GLS: variants seen among roughly 807,000 people sequenced by gnomAD.
The protein encoded by GLS is glutaminase, also known as glutaminase kidney isoform, mitochondrial.
A neutral mutation model predicts 86.7 loss-of-function variants in GLS; 36 were observed. That is an observed-to-expected ratio of 0.42 (90% CI 0.32 to 0.55). The LOEUF (loss-of-function observed/expected upper bound fraction) is 0.55, where lower values mean the gene tolerates loss of function less well. GLS is among the 20% of genes least tolerant of loss of function. The pLI, the probability that GLS is intolerant of heterozygous loss-of-function variation, is 0.17. For synonymous variants in GLS, 317 were observed against 305.9 expected (o/e 1.04, Z -0.38); for missense variants, 528 against 833.4 (o/e 0.63, Z 4.51).
At position 190,963,195 on chromosome 2, in the gene GLS, A is replaced by G. The variant is rs1022310326; in HGVS notation, c.*209A>G. On this transcript the variant is annotated 3_prime_UTR_variant, in exon 18 of 18. Coordinates refer to ENST00000320717, the MANE Select transcript of GLS (RefSeq NM_014905.5). The stretch of plus-strand genomic sequence containing the variant: ...ACAATCTCCCTCCATAATGTGAGCA[A>G]TATTACCTCGTGCATTGTATAATTT... The G allele has an allele frequency of 2.3e-6, 1 of 430,036 alleles. No homozygotes were observed. Among genetic ancestry groups the G allele is most frequent in the Non-Finnish European group, 4.1e-6 (1 of 241,034 alleles). 26.6% of individuals were successfully genotyped at this position (430,036 alleles called of 1,614,324 possible).
In GLS at chr2:190,937,738, A is replaced by C. The variant is rs372069031; in HGVS notation, c.1650+6101A>C. Among the ~76,000 whole-genome samples, 16 of 151,328 alleles carry C rather than the reference A, an allele frequency of 1.1e-4. No homozygotes were observed. The East Asian group carries it at 2.1e-3, about 20-fold the overall frequency. On this transcript the variant is annotated intron_variant, in intron 14 of 17. Transcript: ENST00000320717. ...CCATGTATAGAAAACCTGTTTTCAT[A>C]AAAAACTTTATAATGGCTTCCTGAT... is the stretch of plus-strand genomic sequence containing the variant.
chr2:190,927,511 T>C, intron 12 of GLS, 29 bp downstream of exon 12: 1 of 1,531,214 alleles, frequency 6.5e-7, no homozygotes, highest in Non-Finnish European at 8.9e-7. Context: ...TTATTTTCTC[T>C]GGCAAGAAAC....
rs555846350 is a variant in GLS, at chr2:190,955,878, A to G, written c.1853+1060A>G. On this transcript the variant is annotated intron_variant, in intron 17 of 17. Transcript: ENST00000320717. The surrounding 1 kb of genome is among the most constrained non-coding windows in gnomAD (Gnocchi z 5.6). ...ATTTGCATTTCTCTAATGACCAGTGATGATGATATTTTTTTCACATGTTTG... is the reference window on the plus strand; with the variant it reads ...ATTTGCATTTCTCTAATGACCAGTGGTGATGATATTTTTTTCACATGTTTG... Among the ~76,000 whole-genome samples, 2 of 152,338 alleles carry G rather than the reference A, an allele frequency of 1.3e-5. No homozygotes were observed. The highest frequency in any genetic ancestry group is 4.1e-4 in the South Asian group (2 of 4,828).
rs80037145 is a variant in GLS, at chr2:190,960,411, T to A, written c.1854-2419T>A. On this transcript the variant is annotated intron_variant, in intron 17 of 17. Coordinates refer to ENST00000320717, the MANE Select transcript of GLS (RefSeq NM_014905.5). ...CTGGGTCTTGCCTTGCCACTCAGGC[T>A]GAAGTGCAAGTGGCATGATCATAGT... Among the ~76,000 whole-genome samples, 386 of 147,146 alleles carry A rather than the reference T, an allele frequency of 2.6e-3. 2 individuals carry two copies. Among genetic ancestry groups the A allele is most frequent in the African/African-American group, 8.9e-3 (353 of 39,544 alleles).
Position 190,956,015 on chromosome 2 carries a change from A to G in GLS, c.1853+1197A>G, listed in dbSNP as rs1326986214. Among the ~76,000 whole-genome samples the G allele has an allele frequency of 6.6e-6, 1 of 152,052 alleles. No individual in the cohort carries two copies. ...TGCTTAACTTCCTTGTAGATTCTGGATATTAGCCCTTTGTCAGATGGATAG... is the reference window on the plus strand; with the variant it reads ...TGCTTAACTTCCTTGTAGATTCTGGGTATTAGCCCTTTGTCAGATGGATAG... On this transcript the variant is annotated intron_variant, in intron 17 of 17. Coordinates refer to ENST00000320717, the MANE Select transcript of GLS (RefSeq NM_014905.5). The surrounding 1 kb of genome is among the most constrained non-coding windows in gnomAD (Gnocchi z 4.2).
At chr2:190,906,782 C>G (rs1370533265) in intron 6 of GLS, among the ~76,000 whole-genome samples, 10 of 151,916 alleles carry the variant, frequency 6.6e-5, no homozygotes, top group Non-Finnish European at 8.8e-5. Context: ...TTGGTGAAAC[C>G]ATACACTTTT....
chr2:190,885,451 A>G (rs2125973367), intron 1 of GLS, among the ~76,000 whole-genome samples: 1 of 152,304 alleles, frequency 6.6e-6, no homozygotes, highest in South Asian at 2.1e-4. Context: ...TGGCCACCCA[A>G]AGTGCTGGGA....
At chr2:190,942,553 T>G (rs887122654) in intron 14 of GLS, among the ~76,000 whole-genome samples, 2 of 152,130 alleles carry the variant, frequency 1.3e-5, no homozygotes, top group African/African-American at 4.8e-5. Context: ...GAAATAGGAT[T>G]GGCAGCACTT....
At chr2:190,888,966 T>C (rs1393486704) in intron 1 of GLS, among the ~76,000 whole-genome samples, 1 of 152,260 alleles carries the variant, frequency 6.6e-6, no homozygotes, top group Non-Finnish European at 1.5e-5. Flanking sequence ...TAAATACTTC[T>C]GTTAGTTTTA....
intron 14 of GLS, chr2:190,934,640 A>G (rs912516042): frequency 2.0e-6 from 2 of 983,970 alleles, no homozygotes; most frequent in African/African-American, 1.7e-5. Context: ...ACATTTTACC[A>G]TTTCATTCCG....
Position 190,897,333 on chromosome 2 carries a change from A to G in GLS, c.605+1608A>G, listed in dbSNP as rs1419816857. 1.3e-5 allele frequency among the ~76,000 whole-genome samples: 2 copies of G among 152,202 alleles called. No individual in the cohort carries two copies. The highest frequency in any genetic ancestry group is 4.8e-5 in the African/African-American group (2 of 41,460). Reference sequence around the variant, plus strand: ...GAAAAAATATTTATGTTTTGTAAACATGTTGTTATGTTTAAATATGAAATT... The same window carrying G: ...GAAAAAATATTTATGTTTTGTAAACGTGTTGTTATGTTTAAATATGAAATT... On this transcript the variant is annotated intron_variant, in intron 3 of 17. Coordinates refer to ENST00000320717, the MANE Select transcript of GLS (RefSeq NM_014905.5). The surrounding 1 kb of genome is among the most constrained non-coding windows in gnomAD (Gnocchi z 4.3).
At position 190,881,008 on chromosome 2, in the gene GLS, C is replaced by T. The variant is rs1321187329; in HGVS notation, c.-77C>T. On this transcript the variant is annotated 5_prime_UTR_variant, in exon 1 of 18. Coordinates refer to ENST00000320717, the MANE Select transcript of GLS (RefSeq NM_014905.5). ...GTCATCTCACCGCCCCACCACAGAC[C>T]GCGTTCCCCGAGGAAACCGGCCGCC... The T allele has an allele frequency of 1.3e-5, 19 of 1,460,226 alleles. No individual in the cohort carries two copies. In the Admixed American group the frequency reaches 3.0e-4, roughly 23 times the overall value. The allele number at this position is 1,460,226 out of a possible 1,614,324, so 90.5% of individuals were successfully genotyped here.
intron 14 of GLS, among the ~76,000 whole-genome samples, chr2:190,952,396 G>A (rs901884205): frequency 6.6e-6 from 1 of 152,152 alleles, no homozygotes. Flanking sequence ...ATCTCCAAGA[G>A]GGGGATTGAA....
intron 5 of GLS, 31 bp downstream of exon 5, chr2:190,902,057 C>CTT: frequency 7.8e-7 from 1 of 1,274,184 alleles, no homozygotes; most frequent in Non-Finnish European, 1.1e-6. Flanking sequence ...TGAAAACCAA[C>CTT]TCTAAGCCTT....
At chr2:190,891,873 A>G (rs1688574235) in intron 1 of GLS, among the ~76,000 whole-genome samples, 1 of 152,134 alleles carries the variant, frequency 6.6e-6, no homozygotes, top group South Asian at 2.1e-4. Flanking sequence ...TTCTTTATAA[A>G]CACTAAGTGA....
rs1345860722 is a variant in GLS, at chr2:190,953,567, A to G, written c.1653A>G (p.Val551=). The change falls in exon 15 of 18, where the codon GTA becomes GTG. Residue 551 remains valine (V), a splice_region_variant and synonymous_variant. Coordinates refer to ENST00000320717, the MANE Select transcript of GLS (RefSeq NM_014905.5). The surrounding 1 kb of genome is among the most constrained non-coding windows in gnomAD (Gnocchi z 4.0). ...CCTAAACTTTCTTTTCTTCACAGGTAAAGTCAGTGATAAATCTTTTGTTTG... is the reference window on the plus strand; with the variant it reads ...CCTAAACTTTCTTTTCTTCACAGGTGAAGTCAGTGATAAATCTTTTGTTTG... ...DPRREGGDQR[V]KSVINLLFAA... The G allele has an allele frequency of 1.2e-6, 2 of 1,605,986 alleles. No individual in the cohort carries two copies. Among genetic ancestry groups the G allele is most frequent in the Non-Finnish European group, 1.7e-6 (2 of 1,172,686 alleles).
At chr2:190,927,040 A>G (rs1045482344) in intron 11 of GLS, 5 of 313,994 alleles carry the variant, frequency 1.6e-5, no homozygotes, top group African/African-American at 1.1e-4. Flanking sequence ...GGATAATAAC[A>G]AATCTTAGTG....
rs768073039 is a variant in GLS, at chr2:190,923,980, G to A, written c.1194G>A (p.Lys398=). The A allele has an allele frequency of 7.0e-7, 1 of 1,421,478 alleles. No homozygotes were observed. Among genetic ancestry groups the A allele is most frequent in the South Asian group, 1.2e-5 (1 of 81,620 alleles). 88.1% of individuals were successfully genotyped at this position (1,421,478 alleles called of 1,614,324 possible). A position where few individuals can be genotyped will look rare whatever the true frequency, so the allele number is the denominator to read the frequency against. The part of the protein sequence containing the change: ...NFAIGYYLKE[K]KCFPEGTDMV... ...CAATAGGATATTACTTAAAAGAAAA[G>A]AAGGTTTTTAAATTTTTGTTTCTAT... is the stretch of plus-strand genomic sequence containing the variant. Residue 398 remains lysine, a synonymous_variant, in exon 10 of 18, where the codon AAG becomes AAA. Coordinates refer to ENST00000320717, the MANE Select transcript of GLS (RefSeq NM_014905.5).
chr2:190,895,361 A>G lies in GLS; in HGVS notation c.483+113A>G. 1.8e-6 allele frequency: 1 copy of G among 549,268 alleles called. No homozygotes were observed. The highest frequency in any genetic ancestry group is 3.2e-6 in the Non-Finnish European group (1 of 309,478). The allele number at this position is 549,268 out of a possible 1,614,324, so 34.0% of individuals were successfully genotyped here. ...GTCTGACATGTAGATTCTGACTGAC[A>G]ATATTTCTCTTATTATGTTTTCAAA... On this transcript the variant is annotated intron_variant, in intron 2 of 17. Transcript: ENST00000320717. This position sits in a 1 kb window ranked among gnomAD's most constrained non-coding sequence, Gnocchi z 4.2.
Sources: allele counts gnomAD v4.1 joint callset (sites outside exome capture counted in the v4.1 genomes callset), GRCh38; gene constraint gnomAD v4.1.1; non-coding constraint Gnocchi (gnomAD v3.1); transcripts MANE v1.5; gene names NCBI Gene and HGNC (gene_info 2026-07-23, HGNC 2026-07-21).